Variants in LRRK1 observed in about 807,000 individuals in gnomAD.
The protein encoded by LRRK1 is leucine-rich repeat serine/threonine-protein kinase 1.
LRRK1 carries 113 observed loss-of-function variants against 209.1 expected under a neutral mutation model. The ratio of observed to expected loss-of-function variants is 0.54; its 90% CI spans 0.46 to 0.63. The LOEUF is 0.63. LRRK1 is among the 30% of genes least tolerant of loss of function. LRRK1 has a pLI of 0.00. For synonymous variants in LRRK1, 1,144 were observed against 1,099.7 expected, an observed-to-expected ratio of 1.04 and a Z score of -0.80; for missense variants, 2,284 against 2,632.2, an observed-to-expected ratio of 0.87 and a Z score of 2.89.
chr15:101,027,023 C>T lies in LRRK1; in HGVS notation c.2406-238C>T, dbSNP rs2034062445. On this transcript the variant is annotated intron_variant, in intron 17 of 33. Transcript: ENST00000388948. This position sits in a 1 kb window ranked among gnomAD's most constrained non-coding sequence, Gnocchi z 5.1. ...GGTCTCGGTGTACCTCTGCACCTCA[C>T]TTTCCTCCTCCGTGAAGTGCCATGT... 6.6e-6 allele frequency among the ~76,000 whole-genome samples: 1 copy of T among 152,154 alleles called. No homozygotes were observed. The highest frequency in any genetic ancestry group is 2.1e-4 in the South Asian group (1 of 4,824).
chr15:101,043,215 A>G (rs2034861575), intron 20 of LRRK1, among the ~76,000 whole-genome samples: 2 of 152,208 alleles, frequency 1.3e-5, no homozygotes, highest in South Asian at 4.1e-4. Flanking sequence ...GCAGGCCTGG[A>G]TCCTGCACAG....
intron 20 of LRRK1, among the ~76,000 whole-genome samples, chr15:101,041,855 A>G (rs1446745202): frequency 5.9e-5 from 9 of 152,234 alleles, no homozygotes; most frequent in Admixed American, 5.2e-4. Context: ...TTAACAACAC[A>G]TAGAAATTAA....
rs1308229623 is a variant in LRRK1 at position 101,010,472 on chromosome 15, A to G, written c.1012A>G (p.Ser338Gly). ...CAGGCTACTTGAAATTGACATTTCC[A>G]GCAACAAGTTGTCCCACCTCCCTCC... ...CSRLLEIDIS[S>G]NKLSHLPPGF... Residue 338 changes from serine to glycine, a missense_variant, in exon 8 of 34, where the codon AGC becomes GGC. By Grantham distance (56) the Ser-to-Gly change is moderately conservative (BLOSUM62 0). Coordinates refer to ENST00000388948, the MANE Select transcript of LRRK1 (RefSeq NM_024652.6). The G allele has an allele frequency of 7.4e-6, 12 of 1,611,492 alleles. No individual in the cohort carries two copies. The highest frequency in any genetic ancestry group is 1.0e-5 in the Non-Finnish European group (12 of 1,179,358).
intron 10 of LRRK1, 77 bp downstream of exon 10, chr15:101,012,222 GC>G: frequency 8.0e-7 from 1 of 1,255,744 alleles, no homozygotes. Context: ...AAATGTATGT[GC>G]TTTTCCTGAG....
intron 12 of LRRK1, among the ~76,000 whole-genome samples, chr15:101,020,241 T>TGTG (rs2033714211): frequency 6.6e-6 from 1 of 152,182 alleles, no homozygotes; most frequent in Non-Finnish European, 1.5e-5. Flanking sequence ...AACTGTAACC[T>TGTG]CTGTGCATAC....
chr15:100,924,416 G>C, intron 1 of LRRK1, 95 bp from the exon 2 acceptor site: 1 of 562,106 alleles, frequency 1.8e-6, no homozygotes, highest in Non-Finnish European at 3.2e-6. Flanking sequence ...AAGGAATGTT[G>C]CAGAGGGAAA....
chr15:101,009,697 C>T (rs934713868), intron 7 of LRRK1, among the ~76,000 whole-genome samples: 1 of 152,202 alleles, frequency 6.6e-6, no homozygotes, highest in Non-Finnish European at 1.5e-5. Flanking sequence ...AAGCAATTCT[C>T]CTGTCTCAGC....
chr15:100,975,908 T>C (rs1222892699), intron 3 of LRRK1, among the ~76,000 whole-genome samples: 2 of 152,136 alleles, frequency 1.3e-5, no homozygotes, highest in African/African-American at 4.8e-5. Flanking sequence ...CAAAAATTGG[T>C]TCTTTGAAGA....
chr15:101,027,746 G>A lies in LRRK1; in HGVS notation c.2635G>A (p.Val879Met), dbSNP rs1222722240. 6.2e-7 allele frequency: 1 copy of A among 1,607,386 alleles called. No individual in the cohort carries two copies. The highest frequency in any genetic ancestry group is 8.5e-7 in the Non-Finnish European group (1 of 1,177,246). Residue 879 changes from valine (V) to methionine (M), a missense_variant, in exon 19 of 34, where the codon GTG (valine) becomes ATG (methionine). Physicochemically the swap from Val to Met is conservative, Grantham distance 21 (BLOSUM62 1). Coordinates refer to ENST00000388948, the MANE Select transcript of LRRK1 (RefSeq NM_024652.6). This position sits in a 1 kb window ranked among gnomAD's most constrained non-coding sequence, Gnocchi z 5.1. ...GACGGACAGGCAGCTGGAGCAGCTG[G>A]TGGAGCAGACGCCCGACAACGACAT... is the stretch of plus-strand genomic sequence containing the variant. ...YLTDRQLEQL[V>M]EQTPDNDIKD...
chr15:100,941,152 G>A (rs2042393508), intron 2 of LRRK1, among the ~76,000 whole-genome samples: 1 of 151,926 alleles, frequency 6.6e-6, no homozygotes, highest in Non-Finnish European at 1.5e-5. Flanking sequence ...GTGTGTCTGT[G>A]TGTCTGCATA....
chr15:101,065,557 A>G lies in LRRK1; in HGVS notation c.5120A>G (p.Tyr1707Cys). ...GTCAACAGCGGCTCTGAGGTCTGGT[A>G]CAGCAATGGGCCGGGCCTCCTTGTC... ...EVVNSGSEVW[Y>C]SNGPGLLVID... Residue 1707 changes from tyrosine (Y) to cysteine (C), a missense_variant, in exon 32 of 34, where the codon TAC becomes TGC. This residue lies in a region of LRRK1 where 643 missense variants were observed against 695.9 expected (regional missense o/e 0.92). Transcript: ENST00000388948. 6.2e-7 allele frequency: 1 copy of G among 1,614,210 alleles called. No homozygotes were observed. Among genetic ancestry groups the G allele is most frequent in the African/African-American group, 1.3e-5 (1 of 75,068 alleles).
At chr15:101,044,005 T>TGTCGG (rs2034911177) in intron 20 of LRRK1, 1 of 152,174 alleles carries the variant, frequency 6.6e-6, no homozygotes, top group Non-Finnish European at 1.5e-5. Context: ...ATAGCCATGG[T>TGTCGG]GTCGGGTTCT....
intron 2 of LRRK1, among the ~76,000 whole-genome samples, chr15:100,925,542 G>C (rs1567181731): frequency 6.6e-6 from 1 of 152,136 alleles, no homozygotes; most frequent in African/African-American, 2.4e-5. Flanking sequence ...TGTAATGCAG[G>C]TTTACAGAAG....
intron 29 of LRRK1, among the ~76,000 whole-genome samples, chr15:101,060,319 T>C (rs1434096225): frequency 2.0e-5 from 3 of 152,200 alleles, no homozygotes; most frequent in African/African-American, 7.2e-5. Context: ...TTTATGACTC[T>C]CTATATTTTT....
chr15:100,967,966 C>T (rs1463712470), intron 2 of LRRK1, among the ~76,000 whole-genome samples: 1 of 152,128 alleles, frequency 6.6e-6, no homozygotes, highest in African/African-American at 2.4e-5. Context: ...TTGACAAATA[C>T]AGCAACTGTG....
Position 100,960,031 on chromosome 15 carries a change from A to AT in LRRK1, c.98-13765dup, listed in dbSNP as rs555088426. ...AATGTACTTTGTCAACCTGAAAAGC[A>AT]TTTTTTTTAATATAACAATGTTGTT... On this transcript the variant is annotated intron_variant, in intron 2 of 33. Coordinates refer to ENST00000388948, the MANE Select transcript of LRRK1 (RefSeq NM_024652.6). Among the ~76,000 whole-genome samples, 361 of 152,182 alleles carry AT rather than the reference A, an allele frequency of 2.4e-3. 2 individuals carry two copies. The highest frequency in any genetic ancestry group is 8.2e-3 in the African/African-American group (339 of 41,518).
intron 2 of LRRK1, among the ~76,000 whole-genome samples, chr15:100,939,545 T>C (rs911189075): frequency 6.6e-6 from 1 of 152,354 alleles, no homozygotes; most frequent in Admixed American, 6.5e-5. Flanking sequence ...TGATTTTCAG[T>C]GGTGTCAGCG....
At chr15:100,954,600 G>A (rs2042717328) in intron 2 of LRRK1, among the ~76,000 whole-genome samples, 1 of 152,026 alleles carries the variant, frequency 6.6e-6, no homozygotes, top group Non-Finnish European at 1.5e-5. Context: ...TTTTTCCTAT[G>A]TTTTCTCCTA....
intron 2 of LRRK1, among the ~76,000 whole-genome samples, chr15:100,927,511 C>CA (rs768827038): frequency 4.3e-4 from 66 of 152,296 alleles, no homozygotes; most frequent in Non-Finnish European, 7.8e-4. Flanking sequence ...GTGACCTCAG[C>CA]AGCCTTCACT....
Sources: allele counts gnomAD v4.1 joint callset (sites outside exome capture counted in the v4.1 genomes callset), GRCh38; gene constraint gnomAD v4.1.1; regional missense constraint gnomAD v4.1.1; non-coding constraint Gnocchi (gnomAD v3.1); transcripts MANE v1.5; gene names NCBI Gene and HGNC (gene_info 2026-07-23, HGNC 2026-07-21).